Variants in COL23A1 observed in about 807,000 individuals in gnomAD.
COL23A1 encodes the protein collagen alpha-1(XXIII) chain.
Under a neutral mutation model 99.3 loss-of-function variants are expected in COL23A1, and 97 were observed. The ratio of observed to expected loss-of-function variants is 0.98; its 90% CI spans 0.83 to 1.16. The LOEUF (loss-of-function observed/expected upper bound fraction) is 1.16, where lower values mean the gene tolerates loss of function less well. Ranked by LOEUF, COL23A1 falls within the 50% of genes most tolerant of loss-of-function variation. COL23A1 has a pLI of 0.00. For missense variants in COL23A1, 762 were observed against 757.4 expected (o/e 1.01, Z -0.07); for synonymous variants, 320 against 308.2 (o/e 1.04, Z -0.40).
At chr5:178,243,144 C>A (rs572100814) in intron 25 of COL23A1, among the ~76,000 whole-genome samples, 2 of 151,066 alleles carry the variant, frequency 1.3e-5, no homozygotes, top group East Asian at 3.9e-4. Flanking sequence ...GAGCCGAGAT[C>A]GCACCACTGC....
intron 2 of COL23A1, among the ~76,000 whole-genome samples, chr5:178,322,382 G>A (rs550394871): frequency 6.6e-6 from 1 of 152,306 alleles, no homozygotes; most frequent in African/African-American, 2.4e-5. Context: ...TGATCCACCT[G>A]CCTTGGTCTC....
chr5:178,458,067 A>G (rs1755892183), intron 2 of COL23A1, among the ~76,000 whole-genome samples: 1 of 54,018 alleles, frequency 1.9e-5, no homozygotes, highest in South Asian at 4.9e-4. Context: ...ACTACCAGGG[A>G]CAATTAGGGT....
intron 2 of COL23A1, among the ~76,000 whole-genome samples, chr5:178,536,960 T>C (rs1270314478): frequency 1.3e-5 from 2 of 152,192 alleles, no homozygotes; most frequent in African/African-American, 2.4e-5. Flanking sequence ...CATTAGGATC[T>C]GACCCTGCAG....
At position 178,252,604 on chromosome 5, in the gene COL23A1, G is replaced by T. The variant is rs761250200; in HGVS notation, c.961-7C>A. 6 of 1,608,554 alleles carry T rather than the reference G, an allele frequency of 3.7e-6. No homozygotes were observed. The highest frequency in any genetic ancestry group is 1.7e-4 in the Middle Eastern group (1 of 5,996). ...CCTGTGGTCCGGGAGGCCCCTGTGT[G>T]TGAGAGTGAAGCCGGTCAGTGTCAT... On this transcript the variant is annotated splice_polypyrimidine_tract_variant and splice_region_variant and intron_variant, in intron 16 of 28. Transcript: ENST00000390654.
At chr5:178,541,914 G>A (rs4976790) in intron 2 of COL23A1, among the ~76,000 whole-genome samples, 5 of 152,130 alleles carry the variant, frequency 3.3e-5, no homozygotes, top group Admixed American at 1.3e-4. Context: ...TATGTGCCCT[G>A]GGGACACTAG....
At chr5:178,290,306 G>C in intron 4 of COL23A1, 56 bp downstream of exon 4, 1 of 1,612,860 alleles carries the variant, frequency 6.2e-7, no homozygotes, top group Non-Finnish European at 8.5e-7. Flanking sequence ...TTGCAACAGA[G>C]AGAGAACCAA....
chr5:178,326,962 C>T (rs921615667), intron 2 of COL23A1, among the ~76,000 whole-genome samples: 1 of 152,232 alleles, frequency 6.6e-6, no homozygotes, highest in Non-Finnish European at 1.5e-5. Flanking sequence ...TCGTGATCCG[C>T]CCACCTTGGC....
chr5:178,430,294 C>T (rs946480387), intron 2 of COL23A1, among the ~76,000 whole-genome samples: 1 of 152,184 alleles, frequency 6.6e-6, no homozygotes, highest in African/African-American at 2.4e-5. Flanking sequence ...ACTGGGGCCC[C>T]AGGTTCCTGG....
At chr5:178,332,216 C>T (rs1760069136) in intron 2 of COL23A1, among the ~76,000 whole-genome samples, 1 of 152,188 alleles carries the variant, frequency 6.6e-6, no homozygotes, top group Admixed American at 6.5e-5. Context: ...ACCCTCTCCA[C>T]ACCTGGATGC....
chr5:178,260,651 AGGT>A (rs911109570), intron 11 of COL23A1, among the ~76,000 whole-genome samples: 2 of 152,160 alleles, frequency 1.3e-5, no homozygotes, highest in African/African-American at 4.8e-5. Flanking sequence ...AAAATTAGCC[AGGT>A]GTGGTGGCGC....
At chr5:178,570,666 AG>A (rs901935161) in intron 1 of COL23A1, among the ~76,000 whole-genome samples, 4 of 152,194 alleles carry the variant, frequency 2.6e-5, no homozygotes, top group African/African-American at 9.7e-5. Context: ...TGAAGATGCT[AG>A]GGACAGGCAG....
chr5:178,338,588 G>GGTATGGGGTAGCTCCTGGGTCAC (rs1561875088), intron 2 of COL23A1, among the ~76,000 whole-genome samples: 1 of 147,584 alleles, frequency 6.8e-6, no homozygotes, highest in Non-Finnish European at 1.5e-5. Context: ...TGGGTCACTG[G>GGTATGGGGTAGCTCCTGGGTCAC]CCAGCACCGG....
At chr5:178,262,634 C>G (rs1765698341) in intron 9 of COL23A1, among the ~76,000 whole-genome samples, 1 of 152,014 alleles carries the variant, frequency 6.6e-6, no homozygotes. Context: ...GGCCTGGCCT[C>G]TAGACTTTGG....
intron 2 of COL23A1, among the ~76,000 whole-genome samples, chr5:178,353,159 A>G (rs1379747554): frequency 6.6e-6 from 1 of 152,236 alleles, no homozygotes; most frequent in Non-Finnish European, 1.5e-5. Context: ...CCAATGCCCA[A>G]TAATGGGAAA....
chr5:178,527,752 G>T (rs1253265133), intron 2 of COL23A1, among the ~76,000 whole-genome samples: 1 of 152,026 alleles, frequency 6.6e-6, no homozygotes, highest in Non-Finnish European at 1.5e-5. Flanking sequence ...AGACGCCCCT[G>T]CCCACGCCCC....
chr5:178,521,418 T>A (rs913273695), intron 2 of COL23A1, among the ~76,000 whole-genome samples: 16 of 152,238 alleles, frequency 1.1e-4, no homozygotes, highest in Middle Eastern at 3.4e-3. Flanking sequence ...CCGGGCGTGG[T>A]GGCAGGCGCC....
intron 2 of COL23A1, among the ~76,000 whole-genome samples, chr5:178,532,809 A>T (rs1760722259): frequency 1.3e-5 from 2 of 152,204 alleles, no homozygotes; most frequent in East Asian, 3.9e-4. Flanking sequence ...GGTAGGAAAG[A>T]CAAGAGCAGC....
intron 2 of COL23A1, among the ~76,000 whole-genome samples, chr5:178,511,532 T>A (rs1202759182): frequency 6.6e-6 from 1 of 152,240 alleles, no homozygotes; most frequent in Admixed American, 6.5e-5. Flanking sequence ...ATACCCTTAC[T>A]CTGCTTTCCA....
At chr5:178,522,267 G>A (rs1581559626) in intron 2 of COL23A1, among the ~76,000 whole-genome samples, 1 of 152,124 alleles carries the variant, frequency 6.6e-6, no homozygotes, top group East Asian at 1.9e-4. Flanking sequence ...GCAGGAGAGA[G>A]GAAAAAGAGA....
Sources: allele counts gnomAD v4.1 joint callset (sites outside exome capture counted in the v4.1 genomes callset), GRCh38; gene constraint gnomAD v4.1.1; transcripts MANE v1.5; gene names NCBI Gene and HGNC (gene_info 2026-07-23, HGNC 2026-07-21).